Variants in C1QTNF9 observed in about 807,000 individuals in gnomAD.
C1QTNF9 encodes complement C1q and tumor necrosis factor-related protein 9A.
In C1QTNF9, 6 loss-of-function variants were observed where a neutral mutation model predicts 10.1. That is an observed-to-expected ratio of 0.59 (90% confidence interval 0.32 to 1.17). C1QTNF9 has a LOEUF of 1.17. C1QTNF9 is among the 50% of genes most tolerant of loss of function. The pLI is 0.04. For synonymous variants in C1QTNF9, 98 were observed against 163.5 expected (o/e 0.60, Z 3.06); for missense variants, 201 against 418.8 (o/e 0.48, Z 4.54).
intron 3 of C1QTNF9, among the ~76,000 whole-genome samples, chr13:24,320,416 A>T: frequency 6.6e-6 from 1 of 151,980 alleles, no homozygotes; most frequent in East Asian, 1.9e-4. Context: ...ACAGAATCTC[A>T]CTCTGTTGCC....
At chr13:24,307,693 C>A (rs1877652182), upstream of C1QTNF9, among the ~76,000 whole-genome samples, 1 of 152,222 alleles carries the variant, frequency 6.6e-6, no homozygotes, top group Non-Finnish European at 1.5e-5. Flanking sequence ...AGCCCCAGAA[C>A]CCATAGGGCA....
At chr13:24,316,192 T>A in intron 2 of C1QTNF9, 23 bp downstream of exon 2, 19 of 1,517,040 alleles carry the variant, frequency 1.3e-5, no homozygotes, top group Non-Finnish European at 1.7e-5. Flanking sequence ...CGGCTTCGGC[T>A]GCCTTTCAAC....
In C1QTNF9 at chr13:24,320,996, G is replaced by C. The variant is rs3751353; in HGVS notation, c.230G>C (p.Gly77Ala). ...CTTTATTTGCTCTTTCTCTATTTAGGAGCAGATGGAAAAGTTGAAGCAAAA... is the reference window on the plus strand; with the variant it reads ...CTTTATTTGCTCTTTCTCTATTTAGCAGCAGATGGAAAAGTTGAAGCAAAA... The change falls in exon 4 of 4, where the codon GGA (glycine) becomes GCA (alanine). Residue 77 changes from glycine (G) to alanine (A), a missense_variant and splice_region_variant. Physicochemically the swap from Gly to Ala is moderately conservative, Grantham distance 60 (BLOSUM62 0). Around this residue, in one of 3 missense-constraint regions of C1QTNF9, gnomAD observed 62 missense variants for 250.2 expected, o/e 0.25. Coordinates refer to ENST00000332018, the Ensembl canonical transcript of C1QTNF9. 3,994 of 1,585,650 alleles carry C rather than the reference G, an allele frequency of 2.5e-3. 138 individuals carry two copies. In the Admixed American group the frequency reaches 0.047, roughly 19 times the overall value.
rs372292002 is a variant in C1QTNF9, at chr13:24,316,188, C to T, written c.166+19C>T. ...GATGCAGGTACTCACCTGACGGCTTCGGCTGCCTTTCAACTTCTCTCTTCA... is the reference window on the plus strand; with the variant it reads ...GATGCAGGTACTCACCTGACGGCTTTGGCTGCCTTTCAACTTCTCTCTTCA... On this transcript the variant is annotated intron_variant, in intron 2 of 3. Transcript: ENST00000332018. 7.9e-4 allele frequency: 1,219 copies of T among 1,534,380 alleles called. 24 individuals are homozygous for T. The South Asian group carries it at 9.8e-3, about 12-fold the overall frequency.
chr13:24,320,544 C>T (rs1878214502), intron 3 of C1QTNF9, among the ~76,000 whole-genome samples: 2 of 152,066 alleles, frequency 1.3e-5, no homozygotes, highest in South Asian at 4.2e-4. Flanking sequence ...ACCACCGCGC[C>T]TGGCTAATTT....
intron 1 of C1QTNF9, among the ~76,000 whole-genome samples, chr13:24,315,015 T>A (rs1050916014): frequency 1.3e-5 from 2 of 152,058 alleles, no homozygotes; most frequent in Non-Finnish European, 2.9e-5. Context: ...TTTAAAAATT[T>A]AATTTAATTG....
chr13:24,315,964 T>G lies in C1QTNF9; in HGVS notation c.-22-18T>G. 3.1e-6 allele frequency: 5 copies of G among 1,612,282 alleles called. No individual in the cohort carries two copies. Among genetic ancestry groups the G allele is most frequent in the Non-Finnish European group, 4.2e-6 (5 of 1,178,670 alleles). On this transcript the variant is annotated intron_variant, in intron 1 of 3. Transcript: ENST00000332018. ...GCAACAAAGATTTCTCCTTTGGGTT[T>G]CTGTTTCCCTCTTTCAGTTCAGAGT...
intron 3 of C1QTNF9, among the ~76,000 whole-genome samples, 163 bp from the exon 4 acceptor site, chr13:24,320,833 G>A (rs1162078551): frequency 6.6e-6 from 1 of 151,438 alleles, no homozygotes; most frequent in African/African-American, 2.4e-5. Flanking sequence ...TTACAGGTGT[G>A]AGCCACTGCA....
At chr13:24,307,711 G>C (rs1044287035), upstream of C1QTNF9, among the ~76,000 whole-genome samples, 9 of 152,252 alleles carry the variant, frequency 5.9e-5, no homozygotes, top group Non-Finnish European at 8.8e-5. Context: ...GCAGAGCATA[G>C]TGGCTCCATG....
upstream of C1QTNF9, among the ~76,000 whole-genome samples, chr13:24,308,367 G>T (rs1240718692): frequency 6.6e-6 from 1 of 152,232 alleles, no homozygotes; most frequent in Admixed American, 6.5e-5. Flanking sequence ...GAGGGAGCCC[G>T]GCCAGAACTG....
chr13:24,313,206 G>C (rs1165263685), intron 1 of C1QTNF9, among the ~76,000 whole-genome samples: 1 of 152,198 alleles, frequency 6.6e-6, no homozygotes, highest in Non-Finnish European at 1.5e-5. Flanking sequence ...ATCATTTGCT[G>C]AAGGTTGTCT....
At chr13:24,307,999 C>A (rs1877663238), upstream of C1QTNF9, among the ~76,000 whole-genome samples, 3 of 152,180 alleles carry the variant, frequency 2.0e-5, no homozygotes, top group South Asian at 2.1e-4. Flanking sequence ...AGGGTCCTGG[C>A]GGGAGGAAGA....
chr13:24,311,757 G>A (rs1042629177), intron 1 of C1QTNF9, among the ~76,000 whole-genome samples: 1 of 152,222 alleles, frequency 6.6e-6, no homozygotes, highest in African/African-American at 2.4e-5. Flanking sequence ...ATATGCTTAT[G>A]TCAAAGATGT....
chr13:24,321,727 G>T, exon 4 of C1QTNF9: 1 of 1,599,252 alleles, frequency 6.3e-7, no homozygotes, highest in Non-Finnish European at 8.5e-7. Context: ...TGAGGACGAT[G>T]ACACAACTTT....
upstream of C1QTNF9, among the ~76,000 whole-genome samples, chr13:24,308,506 C>T (rs552606689): frequency 2.6e-5 from 4 of 152,338 alleles, no homozygotes; most frequent in South Asian, 2.1e-4. Context: ...TAGATCCCGC[C>T]GCCCACCTGG....
At chr13:24,318,237 C>T (rs1878115966) in intron 2 of C1QTNF9, among the ~76,000 whole-genome samples, 1 of 152,198 alleles carries the variant, frequency 6.6e-6, no homozygotes, top group South Asian at 2.1e-4. Flanking sequence ...GTGTAGTCAG[C>T]AGAGCCCCAC....
At chr13:24,309,779 A>G (rs2138798137) in intron 1 of C1QTNF9, among the ~76,000 whole-genome samples, 163 bp downstream of exon 1, 1 of 152,336 alleles carries the variant, frequency 6.6e-6, no homozygotes, top group African/African-American at 2.4e-5. Flanking sequence ...TTCAAAATTC[A>G]TTCTTGAGGA....
Position 24,316,509 on chromosome 13 carries a change from T to C in C1QTNF9, c.166+340T>C, listed in dbSNP as rs144580386. 2.8e-3 allele frequency among the ~76,000 whole-genome samples: 429 copies of C among 152,246 alleles called. 2 individuals carry two copies. The highest frequency in any genetic ancestry group is 0.01 in the African/African-American group (418 of 41,554). ...ATGTCATGGATCCTCCCATCTCAGG[T>C]GACAGGTATGATGGATTTTTGGCAA... is the stretch of plus-strand genomic sequence containing the variant. On this transcript the variant is annotated intron_variant, in intron 2 of 3. Transcript: ENST00000332018.
chr13:24,314,384 A>G (rs1291179601), intron 1 of C1QTNF9, among the ~76,000 whole-genome samples: 1 of 151,846 alleles, frequency 6.6e-6, no homozygotes, highest in Non-Finnish European at 1.5e-5. Flanking sequence ...CAAAGAAAAA[A>G]AAAAAAAGAA....
Sources: allele counts gnomAD v4.1 joint callset (sites outside exome capture counted in the v4.1 genomes callset), GRCh38; gene constraint gnomAD v4.1.1; regional missense constraint gnomAD v4.1.1; transcripts MANE v1.5; gene names NCBI Gene and HGNC (gene_info 2026-07-23, HGNC 2026-07-21).